MYH13: variants seen among roughly 807,000 people sequenced by gnomAD.
MYH13 encodes the protein myosin-13.
Under a neutral mutation model 232.1 loss-of-function variants are expected in MYH13, and 177 were observed. That is an observed-to-expected ratio of 0.76 (90% CI 0.67 to 0.86). The LOEUF is 0.86. MYH13 is among the 40% of genes least tolerant of loss of function. The pLI is 0.00. For synonymous variants in MYH13, 884 were observed against 923.5 expected (o/e 0.96, Z 0.78); for missense variants, 2,246 against 2,405.9 (o/e 0.93, Z 1.39).
chr17:10,370,187 G>C (rs1386274918), intron 2 of MYH13, among the ~76,000 whole-genome samples: 1 of 152,252 alleles, frequency 6.6e-6, no homozygotes, highest in Non-Finnish European at 1.5e-5. Flanking sequence ...GTGATTGCCT[G>C]TTGGCAGCCA....
Position 10,364,499 on chromosome 17 carries a change from C to G in MYH13, c.32G>C (p.Gly11Ala). The G allele has an allele frequency of 6.2e-7, 1 of 1,605,414 alleles. No homozygotes were observed. The highest frequency in any genetic ancestry group is 8.5e-7 in the Non-Finnish European group (1 of 1,175,474). The change falls in exon 3 of 41, where the codon GGA becomes GCA. Residue 11 changes from glycine (G) to alanine (A), a missense_variant. Physicochemically the swap from Gly to Ala is moderately conservative, Grantham distance 60 (BLOSUM62 0). Transcript: ENST00000252172. ...TTTCCGGAGGTAGGGAGCTGCTTCT[C>G]CAAAAATGGCCATTTCTGCGTCAGA... is the stretch of plus-strand genomic sequence containing the variant. MSSDAEMAIF[G>A]EAAPYLRKPE... is the part of the protein sequence containing the mutation.
In MYH13 at chr17:10,340,473, G is replaced by A. The variant is rs542570753; in HGVS notation, c.1895-72C>T. The A allele has an allele frequency of 1.7e-4, 188 of 1,133,702 alleles. No individual in the cohort carries two copies. In the African/African-American group the frequency reaches 2.1e-3, roughly 13 times the overall value. The allele number at this position is 1,133,702 out of a possible 1,614,324, so 70.2% of individuals were successfully genotyped here. A position where few individuals can be genotyped will look rare whatever the true frequency, so the allele number is the denominator to read the frequency against. ...CAGCAGTGGGCTTCCTGAACCACCT[G>A]TTCCCAGCCCCGAGTTCTGGTTTCC... On this transcript the variant is annotated intron_variant, in intron 16 of 40. Transcript: ENST00000252172.
In MYH13 at chr17:10,364,327, C is replaced by T. The variant is rs777507404; in HGVS notation, c.204G>A (p.Arg68=). ...AAAGACATCTGTAATCAACACTCAC[C>T]CGGTCATCGAGGGTCTTGACTATGA... ...DKVIVKTLDD[R]MLTLNNDQVF... is the part of the protein sequence containing the mutation. Residue 68 remains arginine, a splice_region_variant and synonymous_variant, in exon 3 of 41, where the codon CGG becomes CGA. Coordinates refer to ENST00000252172, the MANE Select transcript of MYH13 (RefSeq NM_003802.3). 1.2e-6 allele frequency: 2 copies of T among 1,612,272 alleles called. No homozygotes were observed. The highest frequency in any genetic ancestry group is 1.7e-5 in the Admixed American group (1 of 59,968).
rs1906160964 is a variant in MYH13 at position 10,303,255 on chromosome 17, C to T, written c.5608G>A (p.Asp1870Asn). The change falls in exon 39 of 41, where the codon GAC (aspartate) becomes AAC (asparagine). Residue 1870 changes from aspartate to asparagine, a missense_variant. Asp to Asn is a conservative substitution (Grantham distance 23). Coordinates refer to ENST00000252172, the MANE Select transcript of MYH13 (RefSeq NM_003802.3). ...TTGGCCTGCAGCTTGTCCACCAGGT[C>T]CTGGAGCCTAAGGATATTCTTGTGG... is the stretch of plus-strand genomic sequence containing the variant. ...EDHKNILRLQ[D>N]LVDKLQAKVK... 1 of 1,613,612 alleles carries T rather than the reference C, an allele frequency of 6.2e-7. No individual in the cohort carries two copies.
At chr17:10,366,841 G>C (rs925433623) in intron 2 of MYH13, among the ~76,000 whole-genome samples, 1 of 152,160 alleles carries the variant, frequency 6.6e-6, no homozygotes, top group Non-Finnish European at 1.5e-5. Context: ...TGATTCTGTG[G>C]GGTTCTGTCT....
intron 11 of MYH13, among the ~76,000 whole-genome samples, chr17:10,353,988 G>A (rs903760025): frequency 6.7e-6 from 1 of 150,216 alleles, no homozygotes; most frequent in Non-Finnish European, 1.5e-5. Flanking sequence ...TGTCATTGAC[G>A]AATTGTGTCT....
intron 12 of MYH13, among the ~76,000 whole-genome samples, chr17:10,349,375 C>T (rs1051063617): frequency 7.2e-5 from 11 of 151,992 alleles, no homozygotes; most frequent in Non-Finnish European, 1.5e-4. Flanking sequence ...GCTGGGATTA[C>T]AGGCGTGAGC....
intron 2 of MYH13, among the ~76,000 whole-genome samples, chr17:10,368,475 C>G (rs1462589212): frequency 6.6e-6 from 1 of 152,162 alleles, no homozygotes; most frequent in African/African-American, 2.4e-5. Flanking sequence ...TGTGCTTTTC[C>G]AGGAGACAAC....
intron 17 of MYH13, 38 bp from the exon 18 acceptor site, chr17:10,340,275 C>T (rs1320760372): frequency 1.9e-6 from 3 of 1,613,218 alleles, no homozygotes; most frequent in Non-Finnish European, 2.5e-6. Context: ...TTAGCAACTG[C>T]CATTTCACTG....
chr17:10,306,363 T>C lies in MYH13; in HGVS notation c.5466+96A>G. On this transcript the variant is annotated intron_variant, in intron 37 of 40. Coordinates refer to ENST00000252172, the MANE Select transcript of MYH13 (RefSeq NM_003802.3). The surrounding 1 kb of genome is among the most constrained non-coding windows in gnomAD (Gnocchi z 4.3). The stretch of plus-strand genomic sequence containing the variant: ...GTCCTGAAACTGAATTTGCAATCTA[T>C]TCATTCAGTGGCCTTTTCCCACCAT... 3 of 1,532,702 alleles carry C rather than the reference T, an allele frequency of 2.0e-6. No homozygotes were observed. The highest frequency in any genetic ancestry group is 3.7e-5 in the Admixed American group (2 of 53,996). 94.9% of individuals were successfully genotyped at this position (1,532,702 alleles called of 1,614,324 possible).
At chr17:10,369,780 C>G (rs1462145581) in intron 2 of MYH13, among the ~76,000 whole-genome samples, 1 of 152,222 alleles carries the variant, frequency 6.6e-6, no homozygotes, top group Non-Finnish European at 1.5e-5. Context: ...AGTTATCCCT[C>G]CATATTCCTG....
intron 35 of MYH13, among the ~76,000 whole-genome samples, chr17:10,307,762 A>G (rs1906341986): frequency 6.6e-6 from 1 of 152,076 alleles, no homozygotes; most frequent in Non-Finnish European, 1.5e-5. Context: ...GTTAAAGAAC[A>G]ATTTATATTA....
At position 10,319,197 on chromosome 17, in the gene MYH13, T is replaced by C. The variant is rs373071266; in HGVS notation, c.3349-18A>G. ...ATGCGGGCCTGAAAGGATTACTCTA[T>C]CAGGAATGTTATTGTGGAGGAGGGG... On this transcript the variant is annotated intron_variant, in intron 26 of 40. Transcript: ENST00000252172. The C allele has an allele frequency of 3.1e-4, 498 of 1,605,258 alleles. No individual in the cohort carries two copies. The highest frequency in any genetic ancestry group is 4.0e-4 in the Non-Finnish European group (475 of 1,175,502).
At chr17:10,331,667 C>T (rs1907411351) in intron 20 of MYH13, among the ~76,000 whole-genome samples, 1 of 152,128 alleles carries the variant, frequency 6.6e-6, no homozygotes, top group Non-Finnish European at 1.5e-5. Flanking sequence ...GCCTCCATCT[C>T]CTGGCCTCAA....
In MYH13 at chr17:10,309,714, T is replaced by C; in HGVS notation, c.4773A>G (p.Lys1591=). 1.2e-6 allele frequency: 2 copies of C among 1,605,142 alleles called. No homozygotes were observed. The highest frequency in any genetic ancestry group is 1.7e-6 in the Non-Finnish European group (2 of 1,175,754). The stretch of plus-strand genomic sequence containing the variant: ...CCTCTGCTGCCCGCTGGCTGTTTCT[T>C]TTTAGCTGCTCGATTTCTTCATCCT... ...IEKDEEIEQL[K]RNSQRAAEAL... Residue 1591 remains lysine, a synonymous_variant, in exon 34 of 41, where the codon AAA becomes AAG. Coordinates refer to ENST00000252172, the MANE Select transcript of MYH13 (RefSeq NM_003802.3).
chr17:10,313,226 C>G lies in MYH13; in HGVS notation c.4113G>C (p.Glu1371Asp). 1 of 1,614,252 alleles carries G rather than the reference C, an allele frequency of 6.2e-7. No individual in the cohort carries two copies. The highest frequency in any genetic ancestry group is 8.5e-7 in the Non-Finnish European group (1 of 1,180,056). The change falls in exon 30 of 41, where the codon GAG (glutamate) becomes GAC (aspartate). Residue 1371 changes from glutamate to aspartate, a missense_variant. Glu to Asp is a conservative substitution (Grantham distance 45). Transcript: ENST00000252172. ...CGTATTTGGTCCTCCACTGGGCAAC[C>G]TCACTGTTGGCCTTGGACAGCGCCC... is the stretch of plus-strand genomic sequence containing the variant. Reference protein sequence around the residue: ...LQRALSKANSEVAQWRTKYET... With the variant: ...LQRALSKANSDVAQWRTKYET...
In MYH13 at chr17:10,309,684, C is replaced by A. The variant is rs1483310165; in HGVS notation, c.4803G>T (p.Leu1601=). The change falls in exon 34 of 41, where the codon CTG becomes CTT. Residue 1601 remains leucine, a synonymous_variant. Transcript: ENST00000252172. Reference sequence around the variant, plus strand: ...GGATTTCAGCATCCAGCACGCTCTGCAGGGCCTCTGCTGCCCGCTGGCTGT... The same window carrying A: ...GGATTTCAGCATCCAGCACGCTCTGAAGGGCCTCTGCTGCCCGCTGGCTGT... ...KRNSQRAAEA[L]QSVLDAEIRS... 6.2e-7 allele frequency: 1 copy of A among 1,609,442 alleles called. No individual in the cohort carries two copies. Among genetic ancestry groups the A allele is most frequent in the Non-Finnish European group, 8.5e-7 (1 of 1,177,770 alleles).
chr17:10,365,351 A>G (rs1276723960), intron 2 of MYH13, among the ~76,000 whole-genome samples: 1 of 152,238 alleles, frequency 6.6e-6, no homozygotes, highest in African/African-American at 2.4e-5. Flanking sequence ...ATTTGTTTAA[A>G]TAACAAGATG....
chr17:10,324,409 G>A (rs1450685064), intron 22 of MYH13, 145 bp from the exon 23 acceptor site: 5 of 919,644 alleles, frequency 5.4e-6, no homozygotes, highest in Non-Finnish European at 8.2e-6. Flanking sequence ...TGCACACACT[G>A]CACACACACG....
Sources: gnomAD v4.1 joint callset for allele counts (sites outside exome capture counted in the v4.1 genomes callset) on GRCh38, gnomAD v4.1.1 for gene constraint, Gnocchi (gnomAD v3.1) non-coding constraint, MANE v1.5 for transcripts, NCBI Gene and HGNC (gene_info 2026-07-23, HGNC 2026-07-21) for gene names.